STIL: variants seen among roughly 807,000 people sequenced by gnomAD.
The protein encoded by STIL is SCL-interrupting locus protein.
Under a neutral mutation model 110.1 loss-of-function variants are expected in STIL, and 55 were observed. The observed-to-expected ratio is 0.50, with a 90% CI of 0.40 to 0.63. The LOEUF is 0.63. STIL is among the 20% of genes least tolerant of loss of function. The pLI is 0.00. For missense variants in STIL, 1,358 were observed against 1,530.0 expected (o/e 0.89, Z 1.87); for synonymous variants, 481 against 530.0 (o/e 0.91, Z 1.27).
rs778289935 is a variant in STIL, at chr1:47,300,003, G to A, written c.603C>T (p.Cys201=). 11 of 1,614,122 alleles carry A rather than the reference G, an allele frequency of 6.8e-6. No homozygotes were observed. The highest frequency in any genetic ancestry group is 1.7e-5 in the Admixed American group (1 of 60,002). The change falls in exon 6 of 17, where the codon TGC becomes TGT. Residue 201 remains cysteine (C), a synonymous_variant. Transcript: ENST00000371877. The stretch of plus-strand genomic sequence containing the variant: ...TAATGGGGATGGGCTTCACAGGTGT[G>A]CATTTAAAGTTATTTGCTAGAGTTA... The part of the protein sequence containing the change: ...AAVTLANNFK[C]TPVKPIPIIP...
intron 3 of STIL, among the ~76,000 whole-genome samples, chr1:47,304,350 C>T (rs1275901815): frequency 1.3e-5 from 2 of 151,868 alleles, no homozygotes; most frequent in East Asian, 1.9e-4. Flanking sequence ...TTACAATATA[C>T]ACCTGTGTGA....
chr1:47,269,388 G>A (rs932210251), intron 14 of STIL, among the ~76,000 whole-genome samples: 1 of 152,022 alleles, frequency 6.6e-6, no homozygotes, highest in Admixed American at 6.6e-5. Flanking sequence ...AACCTGAACA[G>A]AACAGCAACT....
In STIL at chr1:47,251,350, A is replaced by C; in HGVS notation, c.3653T>G (p.Phe1218Cys). ...ACTTGGTTTAAGGTTCTTTACTAAG[A>C]AAGCTGGCTTTTCAGTCAACTGCTG... Reference protein sequence around the residue: ...AKQQLTEKPAFLVKNLKPSPA... With the variant: ...AKQQLTEKPACLVKNLKPSPA... Residue 1218 changes from phenylalanine (F) to cysteine (C), a missense_variant, in exon 17 of 17, where the codon TTC becomes TGC. By Grantham distance (205) the Phe-to-Cys change is radical. Coordinates refer to ENST00000371877, the MANE Select transcript of STIL (RefSeq NM_001048166.1). 1.9e-6 allele frequency: 3 copies of C among 1,614,214 alleles called. No individual in the cohort carries two copies. Among genetic ancestry groups the C allele is most frequent in the Non-Finnish European group, 2.5e-6 (3 of 1,180,038 alleles).
At chr1:47,307,082 A>G (rs1645980873) in intron 2 of STIL, among the ~76,000 whole-genome samples, 1 of 152,090 alleles carries the variant, frequency 6.6e-6, no homozygotes, top group Non-Finnish European at 1.5e-5. Context: ...ACCCAGGGGG[A>G]AGAGGTTTCA....
chr1:47,255,191 G>C (rs2148661738), intron 16 of STIL, among the ~76,000 whole-genome samples: 1 of 151,942 alleles, frequency 6.6e-6, no homozygotes, highest in East Asian at 1.9e-4. Flanking sequence ...AAGACGAAAA[G>C]CAAAAAGGAA....
chr1:47,256,620 C>CAAAAA (rs35642855), intron 16 of STIL, among the ~76,000 whole-genome samples: 2 of 86,056 alleles, frequency 2.3e-5, no homozygotes, highest in Non-Finnish European at 4.5e-5. Context: ...GACTCCATCT[C>CAAAAA]AAAAAAAAAA....
intron 1 of STIL, 87 bp from the exon 2 acceptor site, chr1:47,310,449 A>C: frequency 1.3e-6 from 1 of 780,430 alleles, no homozygotes; most frequent in Non-Finnish European, 2.1e-6. Flanking sequence ...TTACAGGCAA[A>C]ATTAGATTAC....
intron 2 of STIL, among the ~76,000 whole-genome samples, chr1:47,307,398 A>G (rs1349107309): frequency 1.3e-5 from 2 of 152,190 alleles, no homozygotes; most frequent in African/African-American, 4.8e-5. Flanking sequence ...TTTTATGGAC[A>G]TTTATTAGTT....
intron 10 of STIL, chr1:47,283,605 ACGTCACC>A (rs1281374169): frequency 2.6e-5 from 4 of 152,210 alleles, no homozygotes; most frequent in African/African-American, 9.7e-5. Context: ...GATGAGAATC[ACGTCACC>A]CCATATCACC....
At chr1:47,309,234 A>G (rs1646053246) in intron 2 of STIL, among the ~76,000 whole-genome samples, 1 of 152,120 alleles carries the variant, frequency 6.6e-6, no homozygotes, top group Admixed American at 6.6e-5. Context: ...AAAAATTTAA[A>G]TTTTTTTAAT....
At chr1:47,264,636 C>T (rs1317899319) in intron 14 of STIL, among the ~76,000 whole-genome samples, 1 of 152,104 alleles carries the variant, frequency 6.6e-6, no homozygotes, top group African/African-American at 2.4e-5. Context: ...ACTGGTCCAA[C>T]AAGACATCTA....
chr1:47,292,697 T>C (rs1323892414), intron 8 of STIL, among the ~76,000 whole-genome samples: 1 of 152,222 alleles, frequency 6.6e-6, no homozygotes. Context: ...ATTGAAATAT[T>C]GACTATTTCA....
chr1:47,286,483 TGG>T (rs1333446607), intron 10 of STIL, among the ~76,000 whole-genome samples: 1 of 151,440 alleles, frequency 6.6e-6, no homozygotes, highest in Non-Finnish European at 1.5e-5. Flanking sequence ...CTGAGGTGGG[TGG>T]ATCACGAGGT....
At chr1:47,310,389 A>T in intron 1 of STIL, 27 bp from the exon 2 acceptor site, 1 of 1,395,384 alleles carries the variant, frequency 7.2e-7, no homozygotes, top group East Asian at 2.3e-5. Context: ...AATATTACTA[A>T]TGAATGATAA....
At chr1:47,271,983 C>T in intron 13 of STIL, 93 bp downstream of exon 13, 2 of 1,386,150 alleles carry the variant, frequency 1.4e-6, no homozygotes, top group Non-Finnish European at 2.0e-6. Context: ...GGTCCTACTG[C>T]ACCATGCACC....
chr1:47,303,776 A>G (rs1259599155), intron 3 of STIL, among the ~76,000 whole-genome samples: 3 of 152,158 alleles, frequency 2.0e-5, no homozygotes, highest in Non-Finnish European at 4.4e-5. Context: ...TCTGCCAACT[A>G]GTGTTGAACC....
At chr1:47,312,778 C>T (rs1570318567) in intron 1 of STIL, among the ~76,000 whole-genome samples, 2 of 152,102 alleles carry the variant, frequency 1.3e-5, no homozygotes. Flanking sequence ...TTGTACAAGC[C>T]ACTAAAGGTA....
At chr1:47,273,075 A>AT (rs1399316448) in intron 12 of STIL, among the ~76,000 whole-genome samples, 2 of 151,964 alleles carry the variant, frequency 1.3e-5, no homozygotes, top group African/African-American at 4.8e-5. Flanking sequence ...ACAATTAAAC[A>AT]TTTTTTTTAC....
chr1:47,313,876 T>C (rs923016721), intron 1 of STIL, among the ~76,000 whole-genome samples, 160 bp downstream of exon 1: 1 of 152,214 alleles, frequency 6.6e-6, no homozygotes, highest in Non-Finnish European at 1.5e-5. Flanking sequence ...AAGGATTTCA[T>C]GGACTGCTTA....
Sources: gnomAD v4.1 joint callset for allele counts (sites outside exome capture counted in the v4.1 genomes callset) on GRCh38, gnomAD v4.1.1 for gene constraint, MANE v1.5 for transcripts, NCBI Gene and HGNC (gene_info 2026-07-23, HGNC 2026-07-21) for gene names.